Variants in CFAP96 observed in about 807,000 individuals in gnomAD.
The protein encoded by CFAP96 is cilia and flagella associated protein 96.
At chr4:185,417,851 G>A in the CFAP96 span, among the ~76,000 whole-genome samples, 1 of 152,004 alleles carries the variant, frequency 6.6e-6, no homozygotes, top group Admixed American at 6.6e-5. Context: ...TGAGACCAGC[G>A]TGGCCAACCT....
chr4:185,409,133 G>T, the CFAP96 span, among the ~76,000 whole-genome samples: 3 of 152,006 alleles, frequency 2.0e-5, no homozygotes, highest in Non-Finnish European at 2.9e-5. Context: ...AATGAATGAA[G>T]GAAGGAATAA....
the CFAP96 span, among the ~76,000 whole-genome samples, chr4:185,422,038 C>T: frequency 1.3e-5 from 2 of 152,220 alleles, no homozygotes; most frequent in Non-Finnish European, 2.9e-5. Context: ...AACAGGAAGA[C>T]ATCCTAGAAT....
At chr4:185,421,506 G>A in the CFAP96 span, among the ~76,000 whole-genome samples, 1 of 152,120 alleles carries the variant, frequency 6.6e-6, no homozygotes, top group Admixed American at 6.5e-5. Flanking sequence ...TTCTTTAAAA[G>A]AGCCTGGCAC....
the CFAP96 span, chr4:185,415,395 C>T: frequency 6.9e-7 from 1 of 1,449,136 alleles, no homozygotes; most frequent in Non-Finnish European, 9.2e-7. Flanking sequence ...ATAGTGACTA[C>T]AATAAAGAAA....
At chr4:185,434,524 T>C in the CFAP96 span, among the ~76,000 whole-genome samples, 1 of 152,194 alleles carries the variant, frequency 6.6e-6, no homozygotes, top group African/African-American at 2.4e-5. Flanking sequence ...CATTAGTTTA[T>C]AATAGGCTTA....
chr4:185,443,342 A>ATATATATATTTTTTTTTTTT, the CFAP96 span, among the ~76,000 whole-genome samples: 5 of 26,724 alleles, frequency 1.9e-4, no homozygotes, highest in South Asian at 2.1e-3. Context: ...ATATATATAT[A>ATATATATATTTTTTTTTTTT]TTTTTTTTTT....
chr4:185,435,713 C>T, the CFAP96 span, among the ~76,000 whole-genome samples: 1 of 152,054 alleles, frequency 6.6e-6, no homozygotes, highest in Non-Finnish European at 1.5e-5. Flanking sequence ...AGTAATTAGC[C>T]ATTTATTAGC....
chr4:185,432,692 A>G, the CFAP96 span, among the ~76,000 whole-genome samples: 3 of 152,108 alleles, frequency 2.0e-5, no homozygotes, highest in Non-Finnish European at 4.4e-5. Flanking sequence ...GAGAGACCCC[A>G]TCTCTACAAA....
chr4:185,418,539 T>C, the CFAP96 span: 6 of 1,609,662 alleles, frequency 3.7e-6, no homozygotes, highest in South Asian at 5.5e-5. Flanking sequence ...ATTTATAATA[T>C]GAAATGATGT....
the CFAP96 span, chr4:185,415,164 G>A: frequency 3.1e-6 from 5 of 1,596,730 alleles, no homozygotes; most frequent in South Asian, 5.7e-5. Flanking sequence ...CCTTCCTATA[G>A]GCCTGCAGCT....
the CFAP96 span, chr4:185,425,859 TACTC>T: frequency 6.2e-7 from 1 of 1,604,390 alleles, no homozygotes; most frequent in Non-Finnish European, 8.5e-7. Flanking sequence ...CGAGCAGAGA[TACTC>T]ACCATGTCCG....
chr4:185,435,975 T>G, the CFAP96 span: 1,332 of 1,215,350 alleles, frequency 1.1e-3, 8 homozygotes, highest in African/African-American at 0.015. Context: ...GTTTAAAAAT[T>G]ATGATAAAAT....
At chr4:185,447,095 G>A in the CFAP96 span, among the ~76,000 whole-genome samples, 1 of 151,596 alleles carries the variant, frequency 6.6e-6, no homozygotes, top group Non-Finnish European at 1.5e-5. Context: ...TCTCAAACCT[G>A]TCTTTTATGT....
At chr4:185,443,336 ATATATATT>A in the CFAP96 span, among the ~76,000 whole-genome samples, 92 of 28,662 alleles carry the variant, frequency 3.2e-3, no homozygotes, top group Non-Finnish European at 6.6e-3. Flanking sequence ...ATATATATAT[ATATATATT>A]TTTTTTTTTT....
chr4:185,411,258 A>C, the CFAP96 span, among the ~76,000 whole-genome samples: 2 of 152,056 alleles, frequency 1.3e-5, no homozygotes, highest in Non-Finnish European at 2.9e-5. Flanking sequence ...ACCAAAACTA[A>C]ATTGGTTACT....
At chr4:185,416,284 A>G in the CFAP96 span, among the ~76,000 whole-genome samples, 3 of 152,256 alleles carry the variant, frequency 2.0e-5, no homozygotes, top group Admixed American at 6.5e-5. Context: ...TCGTTACATG[A>G]TTCTCTCCAC....
At chr4:185,431,857 A>G in the CFAP96 span, 1 of 748,908 alleles carries the variant, frequency 1.3e-6, no homozygotes, top group Non-Finnish European at 2.2e-6. Context: ...ATGTTTTGAA[A>G]CAGTGCTTTA....
chr4:185,449,143 TTGA>T, the CFAP96 span, among the ~76,000 whole-genome samples: 1 of 152,196 alleles, frequency 6.6e-6, no homozygotes, highest in South Asian at 2.1e-4. Flanking sequence ...GTGTTTTAAG[TTGA>T]TGAGAAAATT....
chr4:185,425,970 C>T, the CFAP96 span: 5 of 1,374,462 alleles, frequency 3.6e-6, no homozygotes, highest in Middle Eastern at 1.9e-4. Flanking sequence ...GGGGCCCGGG[C>T]GGACCAACTA....
Sources: allele counts gnomAD v4.1 joint callset (sites outside exome capture counted in the v4.1 genomes callset), GRCh38; gene constraint gnomAD v4.1.1; transcripts MANE v1.5; gene names NCBI Gene and HGNC (gene_info 2026-07-23, HGNC 2026-07-21).